Variants in MTCL1 observed in about 807,000 individuals in gnomAD.
MTCL1 encodes the protein microtubule crosslinking factor 1.
MTCL1 carries 79 observed loss-of-function variants against 141.4 expected under a neutral mutation model. The observed-to-expected ratio is 0.56, with a 90% CI of 0.47 to 0.67. The LOEUF (loss-of-function observed/expected upper bound fraction) is 0.67. MTCL1 is among the 30% of genes least tolerant of loss of function. MTCL1 has a pLI of 0.00. For synonymous variants in MTCL1, 914 were observed against 875.8 expected (o/e 1.04, Z -0.77); for missense variants, 2,177 against 2,113.9 (o/e 1.03, Z -0.59).
chr18:8,777,740 T>C (rs2096516988), intron 4 of MTCL1, 93 bp from the exon 4 acceptor site: 18 of 1,049,612 alleles, frequency 1.7e-5, no homozygotes, highest in Non-Finnish European at 2.6e-5. Flanking sequence ...CTCCGTTCAG[T>C]GTGTGTGTCC....
chr18:8,781,448 T>C (rs1211540562), intron 5 of MTCL1, among the ~76,000 whole-genome samples: 1 of 152,112 alleles, frequency 6.6e-6, no homozygotes, highest in African/African-American at 2.4e-5. Flanking sequence ...AAATCCTTCA[T>C]GTGATAAGTT....
chr18:8,739,843 T>G (rs2096292799), intron 4 of MTCL1, among the ~76,000 whole-genome samples: 1 of 152,222 alleles, frequency 6.6e-6, no homozygotes, highest in Non-Finnish European at 1.5e-5. Context: ...GCAATCCTCC[T>G]GCCTCAGCCT....
intron 4 of MTCL1, among the ~76,000 whole-genome samples, chr18:8,756,937 C>CT (rs964089537): frequency 2.6e-5 from 4 of 152,226 alleles, no homozygotes; most frequent in African/African-American, 9.6e-5. Context: ...GGATGTGACA[C>CT]TTGCAAAGCA....
chr18:8,770,599 A>G (rs904372817), intron 4 of MTCL1, among the ~76,000 whole-genome samples: 10 of 152,184 alleles, frequency 6.6e-5, no homozygotes, highest in African/African-American at 2.4e-4. Context: ...CCTCACTTCT[A>G]ATACCAGCAC....
At chr18:8,825,416 G>A in exon 15 of MTCL1, 1 of 1,547,928 alleles carries the variant, frequency 6.5e-7, no homozygotes, top group South Asian at 1.2e-5. Flanking sequence ...CTGGCGAGCT[G>A]CAAGTCAAGG....
chr18:8,793,165 A>G (rs201545761), intron 8 of MTCL1, 45 bp downstream of exon 7: 2 of 1,606,520 alleles, frequency 1.2e-6, no homozygotes, highest in Non-Finnish European at 1.7e-6. Context: ...TGTGAACTGC[A>G]GAGCCCCAAA....
At chr18:8,784,408 G>A (rs1280878902) in exon 6 of MTCL1, 5 of 1,526,780 alleles carry the variant, frequency 3.3e-6, no homozygotes, top group African/African-American at 1.4e-5. Context: ...GGAGCGGGAA[G>A]CCATCGGAGG....
chr18:8,822,876 T>C lies in MTCL1; in HGVS notation c.3188+1378T>C, dbSNP rs985678652. ...CTTCACCACTCAAGCCATCAACTTTTATGCTTTCAAAAGTAACACATGCTT... is the reference window on the plus strand; with the variant it reads ...CTTCACCACTCAAGCCATCAACTTTCATGCTTTCAAAAGTAACACATGCTT... On this transcript the variant is annotated intron_variant, in intron 14 of 16. Coordinates refer to ENST00000359865, the Ensembl canonical transcript of MTCL1. This position sits in a 1 kb window ranked among gnomAD's most constrained non-coding sequence, Gnocchi z 4.6. 6.6e-6 allele frequency among the ~76,000 whole-genome samples: 1 copy of C among 152,144 alleles called. No individual in the cohort carries two copies. The highest frequency in any genetic ancestry group is 1.5e-5 in the Non-Finnish European group (1 of 68,040).
intron 4 of MTCL1, among the ~76,000 whole-genome samples, chr18:8,768,186 T>C (rs2096468112): frequency 6.6e-6 from 1 of 152,216 alleles, no homozygotes; most frequent in African/African-American, 2.4e-5. Flanking sequence ...CATTGTACTA[T>C]ACTTGGTTTA....
chr18:8,720,679 A>G (rs1334585968), intron 4 of MTCL1, among the ~76,000 whole-genome samples, 183 bp downstream of exon 3: 1 of 152,252 alleles, frequency 6.6e-6, no homozygotes, highest in Non-Finnish European at 1.5e-5. Flanking sequence ...CAAGCAAACA[A>G]GCAAAACTCA....
intron 4 of MTCL1, among the ~76,000 whole-genome samples, chr18:8,775,767 C>T (rs951014436): frequency 2.0e-5 from 3 of 152,144 alleles, no homozygotes; most frequent in African/African-American, 4.8e-5. Flanking sequence ...CCTTCTGCAG[C>T]TGGGGTTCCT....
At chr18:8,811,046 CCTGT>C (rs1351443481) in intron 11 of MTCL1, 1 of 152,176 alleles carries the variant, frequency 6.6e-6, no homozygotes, top group Non-Finnish European at 1.5e-5. Flanking sequence ...CACTCAGCAG[CCTGT>C]CTTAGTCCGT....
Position 8,830,251 on chromosome 18 carries a change from G to T in MTCL1, c.*18+1287G>T, listed in dbSNP as rs1177633087. ...TTTAACTGGAGAGGTATTTCTGGTT[G>T]TCACGGTACTGTTAGCATAATGCTT... On this transcript the variant is annotated intron_variant, in intron 16 of 16. Transcript: ENST00000359865. This position sits in a 1 kb window ranked among gnomAD's most constrained non-coding sequence, Gnocchi z 6.4. 6.1e-6 allele frequency: 6 copies of T among 985,438 alleles called. No individual in the cohort carries two copies. The East Asian group carries it at 4.5e-4, about 74-fold the overall frequency. 61.0% of individuals were successfully genotyped at this position (985,438 alleles called of 1,614,324 possible). A position where few individuals can be genotyped will look rare whatever the true frequency, so the allele number is the denominator to read the frequency against.
At chr18:8,740,142 C>T (rs886109702) in intron 4 of MTCL1, among the ~76,000 whole-genome samples, 1 of 152,248 alleles carries the variant, frequency 6.6e-6, no homozygotes, top group Non-Finnish European at 1.5e-5. Context: ...TGCAGCCCAT[C>T]CTGCTGAGTG....
chr18:8,806,952 G>A (rs766237017), exon 11 of MTCL1: 29 of 1,613,574 alleles, frequency 1.8e-5, no homozygotes, highest in South Asian at 5.5e-5. Flanking sequence ...ACTTCCGTGC[G>A]GAGCTGCGGG....
intron 4 of MTCL1, among the ~76,000 whole-genome samples, chr18:8,762,243 G>A (rs1046622887): frequency 5.9e-5 from 9 of 152,214 alleles, no homozygotes; most frequent in South Asian, 2.1e-4. Flanking sequence ...ACACCTCGCC[G>A]AATGGCATCC....
Position 8,830,495 on chromosome 18 carries a change from T to C in MTCL1, c.*19-1112T>C. 2.0e-6 allele frequency: 2 copies of C among 986,026 alleles called. No individual in the cohort carries two copies. The highest frequency in any genetic ancestry group is 4.7e-5 in the South Asian group (1 of 21,290). The allele number at this position is 986,026 out of a possible 1,614,324, so 61.1% of individuals were successfully genotyped here. A position where few individuals can be genotyped will look rare whatever the true frequency, so the allele number is the denominator to read the frequency against. On this transcript the variant is annotated intron_variant, in intron 16 of 16. Coordinates refer to ENST00000359865, the Ensembl canonical transcript of MTCL1. This position sits in a 1 kb window ranked among gnomAD's most constrained non-coding sequence, Gnocchi z 6.4. ...TGTTCCATCTTCTCCCGAGTGACACTGCCCATTCCGTGCAGCCGTCTGTCC... is the reference window on the plus strand; with the variant it reads ...TGTTCCATCTTCTCCCGAGTGACACCGCCCATTCCGTGCAGCCGTCTGTCC...
intron 4 of MTCL1, among the ~76,000 whole-genome samples, chr18:8,750,238 G>GT (rs1182334916): frequency 6.6e-6 from 1 of 152,064 alleles, no homozygotes; most frequent in Non-Finnish European, 1.5e-5. Context: ...TAGAGACAGG[G>GT]TTTCACCATG....
In MTCL1 at chr18:8,813,578, A is replaced by G. The variant is rs2076558398; in HGVS notation, c.2859+345A>G. Among the ~76,000 whole-genome samples, 7 of 152,232 alleles carry G rather than the reference A, an allele frequency of 4.6e-5. No individual in the cohort carries two copies. In the South Asian group the frequency reaches 1.4e-3, roughly 32 times the overall value. ...AGGAGGTTATTTCAGGTCTTATTCA[A>G]TTGAAAACAAACTATAACTTTTAAG... On this transcript the variant is annotated intron_variant, in intron 12 of 16. Transcript: ENST00000359865.
Sources: gnomAD v4.1 joint callset for allele counts (sites outside exome capture counted in the v4.1 genomes callset) on GRCh38, gnomAD v4.1.1 for gene constraint, Gnocchi (gnomAD v3.1) non-coding constraint, MANE v1.5 for transcripts, NCBI Gene and HGNC (gene_info 2026-07-23, HGNC 2026-07-21) for gene names.